The following DNAJA1 variants were observed in gnomAD, a reference collection of about 807,000 sequenced individuals.
DNAJA1 encodes DnaJ heat shock protein family (Hsp40) member A1, also known as dnaJ homolog subfamily A member 1.
Under a neutral mutation model 47.6 loss-of-function variants are expected in DNAJA1, and 26 were observed. That is an observed-to-expected ratio of 0.55 (90% CI 0.40 to 0.76). The LOEUF (loss-of-function observed/expected upper bound fraction) is 0.76, where lower values mean the gene tolerates loss of function less well. Among genes scored for constraint, DNAJA1 ranks in the 30% least tolerant of loss-of-function variants. The probability of loss-of-function intolerance (pLI) is 0.00; values close to 1 mark genes in which losing one functional copy is unlikely to be tolerated. For missense variants in DNAJA1, 315 were observed against 485.0 expected (o/e 0.65, Z 3.29); for synonymous variants, 165 against 158.4 (o/e 1.04, Z -0.31).
intron 8 of DNAJA1, 62 bp from the exon 9 acceptor site, chr9:33,038,623 C>T (rs1839070253): frequency 3.4e-6 from 5 of 1,476,396 alleles, no homozygotes; most frequent in Non-Finnish European, 3.7e-6. Context: ...GAAAATGGGT[C>T]CATGATACTC....
chr9:33,030,919 C>T (rs553024333), intron 5 of DNAJA1, among the ~76,000 whole-genome samples: 1 of 152,222 alleles, frequency 6.6e-6, no homozygotes, highest in East Asian at 1.9e-4. Flanking sequence ...AATCTGTGGT[C>T]CTGTAAATGA....
In DNAJA1 at chr9:33,037,062, A is replaced by C; in HGVS notation, c.922A>C (p.Met308Leu). 6.2e-7 allele frequency: 1 copy of C among 1,614,118 alleles called. No homozygotes were observed. The highest frequency in any genetic ancestry group is 8.5e-7 in the Non-Finnish European group (1 of 1,180,016). Reference protein sequence around the residue: ...GDIKCVLNEGMPIYRRPYEKG... With the variant: ...GDIKCVLNEGLPIYRRPYEKG... The stretch of plus-strand genomic sequence containing the variant: ...TATCAAGTGTGTACTAAATGAAGGC[A>C]TGCCAATTTATCGTAGACCATATGA... Residue 308 changes from methionine to leucine, a missense_variant, in exon 8 of 9, where the codon ATG (methionine) becomes CTG (leucine). Met to Leu is a conservative substitution (Grantham distance 15). Around this residue, in one of 4 missense-constraint regions of DNAJA1, gnomAD observed 162 missense variants for 185.4 expected, o/e 0.87. Coordinates refer to ENST00000330899, the MANE Select transcript of DNAJA1 (RefSeq NM_001539.4).
intron 6 of DNAJA1, among the ~76,000 whole-genome samples, chr9:33,034,772 A>G (rs572470150): frequency 6.6e-6 from 1 of 152,362 alleles, no homozygotes; most frequent in Non-Finnish European, 1.5e-5. Context: ...CAGGTCTACC[A>G]TTTTGAGCTA....
intron 6 of DNAJA1, among the ~76,000 whole-genome samples, chr9:33,035,335 C>G (rs1346231011): frequency 2.6e-5 from 4 of 151,880 alleles, no homozygotes; most frequent in African/African-American, 9.7e-5. Context: ...GCACTCCAGC[C>G]TGGGCAAAAA....
intron 3 of DNAJA1, 44 bp from the exon 4 acceptor site, chr9:33,029,841 C>T (rs528687736): frequency 6.7e-7 from 1 of 1,487,782 alleles, no homozygotes; most frequent in East Asian, 2.3e-5. Context: ...CAAATAAGAT[C>T]CAGCATCTTA....
At position 33,036,692 on chromosome 9, in the gene DNAJA1, A is replaced by G; in HGVS notation, c.874+3A>G. The G allele has an allele frequency of 6.2e-7, 1 of 1,603,524 alleles. No homozygotes were observed. The highest frequency in any genetic ancestry group is 8.5e-7 in the Non-Finnish European group (1 of 1,172,374). On this transcript the variant is annotated splice_donor_region_variant and intron_variant, in intron 7 of 8. Coordinates refer to ENST00000330899, the MANE Select transcript of DNAJA1 (RefSeq NM_001539.4). ...CATCGTCATCACCTCTCATCCAGGT[A>G]TGGGAACTAGGCAAGCTTAAACTTC...
intron 7 of DNAJA1, 66 bp from the exon 8 acceptor site, chr9:33,036,949 T>C (rs1839044413): frequency 7.0e-7 from 1 of 1,428,928 alleles, no homozygotes; most frequent in South Asian, 1.2e-5. Context: ...TGCTCTGTTC[T>C]TTATATTCCC....
intron 8 of DNAJA1, 124 bp from the exon 9 acceptor site, chr9:33,038,561 T>G: frequency 2.5e-5 from 21 of 838,298 alleles, no homozygotes; most frequent in Non-Finnish European, 3.1e-5. Context: ...TGTTCTAACC[T>G]GAGATTGGCA....
intron 3 of DNAJA1, among the ~76,000 whole-genome samples, chr9:33,027,306 C>T (rs527784986): frequency 1.3e-5 from 2 of 152,042 alleles, no homozygotes. Context: ...CAGGCATGTG[C>T]CACCAAACCC....
Position 33,034,293 on chromosome 9 carries a change from A to G in DNAJA1, c.721A>G (p.Ile241Val), listed in dbSNP as rs1339931366. ...AGGACTGGAGCCAGGCGATATTATC[A>G]TTGTGTTAGATCAGAAGGACCATGC... ...EPGLEPGDIIIVLDQKDHAVF... is the reference protein window; with the variant it reads ...EPGLEPGDIIVVLDQKDHAVF... The change falls in exon 6 of 9, where the codon ATT becomes GTT. Residue 241 changes from isoleucine to valine, a missense_variant. Ile to Val is a conservative substitution (Grantham distance 29). Around this residue, in one of 4 missense-constraint regions of DNAJA1, gnomAD observed 45 missense variants for 93.3 expected, o/e 0.48. Coordinates refer to ENST00000330899, the MANE Select transcript of DNAJA1 (RefSeq NM_001539.4). The G allele has an allele frequency of 1.2e-6, 2 of 1,610,628 alleles. No homozygotes were observed. The highest frequency in any genetic ancestry group is 1.1e-5 in the South Asian group (1 of 89,972).
intron 6 of DNAJA1, among the ~76,000 whole-genome samples, chr9:33,034,948 A>G (rs1269141181): frequency 2.0e-5 from 3 of 150,360 alleles, no homozygotes; most frequent in African/African-American, 7.3e-5. Flanking sequence ...GCTACTGGGG[A>G]GGCTGAGGCA....
chr9:33,026,415 C>G, intron 1 of DNAJA1, 60 bp from the exon 2 acceptor site: 1 of 1,562,860 alleles, frequency 6.4e-7, no homozygotes, highest in Non-Finnish European at 8.6e-7. Context: ...GGCCTTAGCT[C>G]TCTTTTTTAT....
rs773922554 is a variant in DNAJA1, at chr9:33,030,581, G to A, written c.557G>A (p.Arg186Gln). The A allele has an allele frequency of 3.7e-6, 6 of 1,614,080 alleles. No individual in the cohort carries two copies. Among genetic ancestry groups the A allele is most frequent in the South Asian group, 2.2e-5 (2 of 91,080 alleles). Residue 186 changes from arginine to glutamine, a missense_variant, in exon 5 of 9, where the codon CGG (arginine) becomes CAG (glutamine). By Grantham distance (43) the Arg-to-Gln change is conservative. Around this residue, in one of 4 missense-constraint regions of DNAJA1, gnomAD observed 45 missense variants for 93.3 expected, o/e 0.48. Coordinates refer to ENST00000330899, the MANE Select transcript of DNAJA1 (RefSeq NM_001539.4). ...ATGGAGTGCCAGGGCCATGGGGAGC[G>A]GATCAGTCCTAAAGATAGATGTAAA... ...VCMECQGHGE[R>Q]ISPKDRCKSC...
chr9:33,037,490 T>G lies in DNAJA1; in HGVS notation c.975+375T>G, dbSNP rs188517977. The stretch of plus-strand genomic sequence containing the variant: ...TGAGCTCAGGAGTTAAAGGCCAGCC[T>G]GGGCAACATGGCAAAACCCCATCTC... On this transcript the variant is annotated intron_variant, in intron 8 of 8. Coordinates refer to ENST00000330899, the MANE Select transcript of DNAJA1 (RefSeq NM_001539.4). Among the ~76,000 whole-genome samples, 100 of 152,230 alleles carry G rather than the reference T, an allele frequency of 6.6e-4. 1 individual carries two copies. Among genetic ancestry groups the G allele is most frequent in the Non-Finnish European group, 1.3e-4 (9 of 68,012 alleles).
intron 6 of DNAJA1, among the ~76,000 whole-genome samples, chr9:33,035,223 T>A (rs1027045159): frequency 6.6e-6 from 1 of 151,866 alleles, no homozygotes; most frequent in African/African-American, 2.4e-5. Context: ...GCCATCTCTG[T>A]TAAAAATTAA....
At chr9:33,030,929 A>G (rs1271111522) in intron 5 of DNAJA1, among the ~76,000 whole-genome samples, 4 of 152,212 alleles carry the variant, frequency 2.6e-5, no homozygotes, top group African/African-American at 9.6e-5. Flanking sequence ...CCTGTAAATG[A>G]TTGAATAGTG....
chr9:33,034,740 A>G (rs1020390262), intron 6 of DNAJA1, among the ~76,000 whole-genome samples: 2 of 152,256 alleles, frequency 1.3e-5, no homozygotes, highest in African/African-American at 4.8e-5. Context: ...CTTAAATTGT[A>G]ACTCAATACT....
chr9:33,036,248 C>G, intron 6 of DNAJA1: 1 of 165,644 alleles, frequency 6.0e-6, no homozygotes. Context: ...CTGGCCTAAC[C>G]CTCACTCTTG....
Position 33,026,804 on chromosome 9 carries a change from C to T in DNAJA1, c.133-9C>T. 3.7e-6 allele frequency: 6 copies of T among 1,607,060 alleles called. No homozygotes were observed. The South Asian group carries it at 4.4e-5, about 12-fold the overall frequency. ...AAAAAATGAAATTCACTCCTCTTTTCTCAAACAGTTTAAACAGATTTCTCA... is the reference window on the plus strand; with the variant it reads ...AAAAAATGAAATTCACTCCTCTTTTTTCAAACAGTTTAAACAGATTTCTCA... On this transcript the variant is annotated splice_polypyrimidine_tract_variant and intron_variant, in intron 2 of 8. Coordinates refer to ENST00000330899, the MANE Select transcript of DNAJA1 (RefSeq NM_001539.4).
Sources: gnomAD v4.1 joint callset for allele counts (sites outside exome capture counted in the v4.1 genomes callset) on GRCh38, gnomAD v4.1.1 for gene constraint, gnomAD v4.1.1 regional missense constraint, MANE v1.5 for transcripts, NCBI Gene and HGNC (gene_info 2026-07-23, HGNC 2026-07-21) for gene names.